Variants in NXPH1 observed in about 807,000 individuals in gnomAD.
The protein encoded by NXPH1 is neurexophilin-1.
Under a neutral mutation model 23.7 loss-of-function variants are expected in NXPH1, and 5 were observed. The observed-to-expected ratio is 0.21, with a 90% CI of 0.11 to 0.44. NXPH1 has a LOEUF of 0.44. Ranked by LOEUF, NXPH1 falls within the 20% of genes least tolerant of loss-of-function variation. The pLI, the probability that NXPH1 is intolerant of heterozygous loss-of-function variation, is 0.99. For synonymous variants in NXPH1, 144 were observed against 122.2 expected (o/e 1.18, Z -1.18); for missense variants, 324 against 321.6 (o/e 1.01, Z -0.06).
chr7:8,498,825 TA>T (rs978545132), intron 2 of NXPH1, among the ~76,000 whole-genome samples: 23 of 152,184 alleles, frequency 1.5e-4, no homozygotes, highest in South Asian at 1.0e-3. Context: ...GATTTAGACC[TA>T]GGAAAGGGAA....
intron 2 of NXPH1, among the ~76,000 whole-genome samples, chr7:8,703,683 A>G (rs1481336485): frequency 6.6e-6 from 1 of 152,110 alleles, no homozygotes. Flanking sequence ...GACTTCACTG[A>G]GGAGCTTTCG....
At chr7:8,663,414 T>C (rs989209) in intron 2 of NXPH1, among the ~76,000 whole-genome samples, 96,490 of 151,934 alleles carry the variant, frequency 0.64, 31,549 homozygotes, top group Middle Eastern at 0.76. Flanking sequence ...CCTAGCCCCA[T>C]TGTAGATTAA....
chr7:8,702,502 C>T (rs946045981), intron 2 of NXPH1, among the ~76,000 whole-genome samples: 4 of 152,062 alleles, frequency 2.6e-5, no homozygotes, highest in Admixed American at 1.3e-4. Context: ...TAGTCATGGG[C>T]CTTACTGAAC....
intron 2 of NXPH1, among the ~76,000 whole-genome samples, chr7:8,560,807 A>G (rs1818431311): frequency 6.6e-6 from 1 of 151,632 alleles, no homozygotes; most frequent in Non-Finnish European, 1.5e-5. Context: ...GCTCCCACAT[A>G]CTTAAACAAA....
chr7:8,502,859 T>C (rs1478748619), intron 2 of NXPH1, among the ~76,000 whole-genome samples: 1 of 151,850 alleles, frequency 6.6e-6, no homozygotes, highest in African/African-American at 2.4e-5. Context: ...GGCCTCCGAA[T>C]GTGCAGCAAT....
chr7:8,544,405 C>A (rs1818169936), intron 2 of NXPH1, among the ~76,000 whole-genome samples: 1 of 151,510 alleles, frequency 6.6e-6, no homozygotes, highest in Non-Finnish European at 1.5e-5. Context: ...CTCTGGCAAG[C>A]AAAATCACCT....
chr7:8,742,220 T>A (rs1003370273), intron 2 of NXPH1, among the ~76,000 whole-genome samples: 7 of 152,122 alleles, frequency 4.6e-5, no homozygotes, highest in Non-Finnish European at 1.0e-4. Context: ...ACTCATTTTA[T>A]CCTATATGAA....
intron 2 of NXPH1, among the ~76,000 whole-genome samples, chr7:8,547,235 G>A (rs1327484539): frequency 6.6e-6 from 1 of 151,416 alleles, no homozygotes; most frequent in African/African-American, 2.4e-5. Flanking sequence ...GGAAATTGGA[G>A]GAGAGAAAGA....
At chr7:8,578,512 C>T (rs1338719552) in intron 2 of NXPH1, among the ~76,000 whole-genome samples, 1 of 152,162 alleles carries the variant, frequency 6.6e-6, no homozygotes, top group Non-Finnish European at 1.5e-5. Flanking sequence ...TAGCAATTTG[C>T]AATTTACTTT....
chr7:8,610,622 C>G (rs1274956462), intron 2 of NXPH1, among the ~76,000 whole-genome samples: 2 of 151,830 alleles, frequency 1.3e-5, no homozygotes, highest in Non-Finnish European at 2.9e-5. Context: ...AGATGTAGAT[C>G]CCCAGATGAT....
At chr7:8,474,744 T>C (rs1007930464) in intron 2 of NXPH1, among the ~76,000 whole-genome samples, 2 of 152,162 alleles carry the variant, frequency 1.3e-5, no homozygotes. Context: ...GTTCACTTCA[T>C]CGAGGTCTAT....
intron 2 of NXPH1, among the ~76,000 whole-genome samples, chr7:8,666,032 C>T (rs1270994611): frequency 1.0e-5 from 1 of 96,930 alleles, no homozygotes; most frequent in African/African-American, 3.5e-5. Context: ...TTCTAGTTCC[C>T]TTTAGTTCTT....
chr7:8,618,066 G>A (rs943520277), intron 2 of NXPH1, among the ~76,000 whole-genome samples: 1 of 152,008 alleles, frequency 6.6e-6, no homozygotes, highest in African/African-American at 2.4e-5. Flanking sequence ...TTGGGGCATG[G>A]GTAACTAAAC....
At chr7:8,539,795 T>C (rs1818084740) in intron 2 of NXPH1, among the ~76,000 whole-genome samples, 2 of 151,784 alleles carry the variant, frequency 1.3e-5, no homozygotes, top group Non-Finnish European at 1.5e-5. Flanking sequence ...TGCATGATAA[T>C]GCTTATTGTT....
intron 2 of NXPH1, among the ~76,000 whole-genome samples, chr7:8,437,956 C>A (rs2128603703): frequency 6.6e-6 from 1 of 152,348 alleles, no homozygotes; most frequent in South Asian, 2.1e-4. Flanking sequence ...ATCTAAAGTA[C>A]TTTTGTGTGT....
chr7:8,686,249 G>A (rs528725735), intron 2 of NXPH1, among the ~76,000 whole-genome samples: 28 of 152,050 alleles, frequency 1.8e-4, no homozygotes, highest in Non-Finnish European at 2.9e-4. Flanking sequence ...CATTTAGAAT[G>A]TGCTTTATTC....
At chr7:8,644,669 T>A (rs551747949) in intron 2 of NXPH1, among the ~76,000 whole-genome samples, 2 of 148,832 alleles carry the variant, frequency 1.3e-5, no homozygotes, top group East Asian at 3.9e-4. Context: ...AGACTAGGAC[T>A]TTTTTTGTGA....
intron 2 of NXPH1, among the ~76,000 whole-genome samples, chr7:8,706,601 GT>G (rs1779710962): frequency 6.6e-6 from 1 of 152,170 alleles, no homozygotes; most frequent in Non-Finnish European, 1.5e-5. Context: ...CCATCCTCTG[GT>G]TGTCAGTTGG....
rs740096 is a variant in NXPH1, at chr7:8,435,148, A to G, written c.-111+393A>G. 0.23 allele frequency: 36,162 copies of G among 157,882 alleles called. 4,802 individuals are homozygous for G. The highest frequency in any genetic ancestry group is 0.59 in the East Asian group (3,094 of 5,266). The allele number at this position is 157,882 out of a possible 1,614,324, so 9.8% of individuals were successfully genotyped here. A position where few individuals can be genotyped will look rare whatever the true frequency, so the allele number is the denominator to read the frequency against. ...CCTCTCACCGCGCCCCCCTCGCTCAATCTCTCTCTCTCCCTTTATCTTTCC... is the reference window on the plus strand; with the variant it reads ...CCTCTCACCGCGCCCCCCTCGCTCAGTCTCTCTCTCTCCCTTTATCTTTCC... On this transcript the variant is annotated intron_variant, in intron 1 of 2. Transcript: ENST00000405863. The surrounding 1 kb of genome is among the most constrained non-coding windows in gnomAD (Gnocchi z 5.9).
Sources: allele counts gnomAD v4.1 joint callset (sites outside exome capture counted in the v4.1 genomes callset), GRCh38; gene constraint gnomAD v4.1.1; non-coding constraint Gnocchi (gnomAD v3.1); transcripts MANE v1.5; gene names NCBI Gene and HGNC (gene_info 2026-07-23, HGNC 2026-07-21).